The following SMIM18 variants were observed in gnomAD, a reference collection of about 807,000 sequenced individuals.
The protein encoded by SMIM18 is small integral membrane protein 18.
Under a neutral mutation model 5.9 loss-of-function variants are expected in SMIM18, and 4 were observed. That is an observed-to-expected ratio of 0.68 (90% CI 0.33 to 1.56). The LOEUF is 1.56. Among genes scored for constraint, SMIM18 ranks in the 40% most tolerant of loss-of-function variants. SMIM18 has a pLI of 0.06. For synonymous variants in SMIM18, 37 were observed against 37.4 expected, an observed-to-expected ratio of 0.99 and a Z score of 0.04; for missense variants, 89 against 109.7, an observed-to-expected ratio of 0.81 and a Z score of 0.84.
At chr8:30,642,263 G>A (rs911583460) in intron 1 of SMIM18, among the ~76,000 whole-genome samples, 2 of 143,822 alleles carry the variant, frequency 1.4e-5, no homozygotes, top group Admixed American at 7.1e-5. Context: ...AAGCACAAAG[G>A]GATTTTATCT....
chr8:30,644,994 C>T (rs1802015438), intron 2 of SMIM18, among the ~76,000 whole-genome samples: 1 of 152,126 alleles, frequency 6.6e-6, no homozygotes. Flanking sequence ...AAGTGATCTG[C>T]CCACATCACT....
chr8:30,641,187 G>C (rs1801810618), intron 1 of SMIM18, among the ~76,000 whole-genome samples: 1 of 152,062 alleles, frequency 6.6e-6, no homozygotes, highest in Non-Finnish European at 1.5e-5. Flanking sequence ...AACAAACAAT[G>C]AATGTTTTGA....
At chr8:30,643,996 T>C (rs1283731840) in intron 1 of SMIM18, among the ~76,000 whole-genome samples, 2 of 152,232 alleles carry the variant, frequency 1.3e-5, no homozygotes, top group African/African-American at 4.8e-5. Flanking sequence ...GCATACAGAA[T>C]GACAACCGAT....
chr8:30,638,730 T>C (rs1211921406), intron 1 of SMIM18, 91 bp downstream of exon 1: 1 of 152,556 alleles, frequency 6.6e-6, no homozygotes, highest in Non-Finnish European at 1.5e-5. Context: ...CCAGAAAGCT[T>C]TGCTCCTACT....
At position 30,645,620 on chromosome 8, in the gene SMIM18, A is replaced by C; in HGVS notation, c.*23A>C. On this transcript the variant is annotated 3_prime_UTR_variant, in exon 3 of 3. Transcript: ENST00000517349. ...TAACACTCTATAGAAGATGAACAAA[A>C]TCTCTGAAAGCAGCTCAACCTCTTC... 6.6e-7 allele frequency: 1 copy of C among 1,516,406 alleles called. No homozygotes were observed. The highest frequency in any genetic ancestry group is 8.8e-7 in the Non-Finnish European group (1 of 1,137,368). 93.9% of individuals were successfully genotyped at this position (1,516,406 alleles called of 1,614,324 possible).
At chr8:30,641,138 T>C (rs1211893612) in intron 1 of SMIM18, among the ~76,000 whole-genome samples, 1 of 152,110 alleles carries the variant, frequency 6.6e-6, no homozygotes, top group Non-Finnish European at 1.5e-5. Flanking sequence ...AATGACTCCA[T>C]ATTAGAGAGT....
At chr8:30,640,836 C>G (rs965725837) in intron 1 of SMIM18, among the ~76,000 whole-genome samples, 6 of 152,096 alleles carry the variant, frequency 3.9e-5, no homozygotes, top group African/African-American at 1.4e-4. Context: ...TCCTGAGAAA[C>G]TGGGATTACA....
At chr8:30,638,824 G>A (rs1801702829) in intron 1 of SMIM18, among the ~76,000 whole-genome samples, 185 bp downstream of exon 1, 1 of 152,146 alleles carries the variant, frequency 6.6e-6, no homozygotes, top group African/African-American at 2.4e-5. Context: ...TGTGCTATTT[G>A]ATAAGCACCC....
intron 1 of SMIM18, among the ~76,000 whole-genome samples, chr8:30,640,254 G>A (rs1270640501): frequency 1.3e-5 from 2 of 152,116 alleles, no homozygotes; most frequent in African/African-American, 4.8e-5. Context: ...AAAAGCACCT[G>A]AGAATTCAAT....
chr8:30,645,203 T>G, intron 2 of SMIM18, 78 bp from the exon 3 acceptor site: 1 of 1,217,098 alleles, frequency 8.2e-7, no homozygotes, highest in Non-Finnish European at 1.1e-6. Flanking sequence ...ACAAATTTAC[T>G]AAGAAATCTT....
chr8:30,639,776 T>G (rs1162935414), intron 1 of SMIM18, among the ~76,000 whole-genome samples: 1 of 152,076 alleles, frequency 6.6e-6, no homozygotes, highest in East Asian at 1.9e-4. Flanking sequence ...TGTTTTTTTT[T>G]TCTTCATAAT....
At chr8:30,640,878 T>G (rs1801795731) in intron 1 of SMIM18, among the ~76,000 whole-genome samples, 1 of 152,298 alleles carries the variant, frequency 6.6e-6, no homozygotes, top group Admixed American at 6.5e-5. Context: ...CTAATTTTTG[T>G]GTTTTTAGCA....
At chr8:30,640,253 T>C (rs530561567) in intron 1 of SMIM18, among the ~76,000 whole-genome samples, 1 of 152,306 alleles carries the variant, frequency 6.6e-6, no homozygotes, top group East Asian at 1.9e-4. Context: ...TAAAAGCACC[T>C]GAGAATTCAA....
At chr8:30,644,279 G>A (rs1801975027) in intron 1 of SMIM18, among the ~76,000 whole-genome samples, 1 of 152,112 alleles carries the variant, frequency 6.6e-6, no homozygotes, top group Non-Finnish European at 1.5e-5. Flanking sequence ...TTGTGAAATG[G>A]AATAATAACT....
intron 1 of SMIM18, chr8:30,643,658 T>TA (rs71206267): frequency 0.79 from 104,459 of 132,122 alleles, 41,355 homozygotes; most frequent in African/African-American, 0.88. Context: ...AGACTCTGCC[T>TA]AAAAAAAAAA....
In SMIM18 at chr8:30,645,811, T is replaced by G. The variant is rs1802054645; in HGVS notation, c.*214T>G. The G allele has an allele frequency of 1.1e-5, 6 of 526,688 alleles. No homozygotes were observed. In the South Asian group the frequency reaches 1.4e-4, roughly 13 times the overall value. The allele number at this position is 526,688 out of a possible 1,614,324, so 32.6% of individuals were successfully genotyped here. ...TAAAACTTCATGAATGTGAATTTAC[T>G]AATCTGTTTAATACTGACACTTCAA... On this transcript the variant is annotated 3_prime_UTR_variant, in exon 3 of 3. Coordinates refer to ENST00000517349, the MANE Select transcript of SMIM18 (RefSeq NM_001206847.2).
chr8:30,642,390 T>C (rs1434019564), intron 1 of SMIM18, among the ~76,000 whole-genome samples: 4 of 152,044 alleles, frequency 2.6e-5, no homozygotes, highest in Admixed American at 2.0e-4. Flanking sequence ...CTAATCCATA[T>C]TGTTGGCTAA....
intron 1 of SMIM18, 125 bp downstream of exon 1, chr8:30,638,764 T>C (rs1801697816): frequency 6.6e-6 from 1 of 152,410 alleles, no homozygotes; most frequent in South Asian, 2.1e-4. Context: ...AAGCAATGTA[T>C]TCGTTTCACC....
intron 1 of SMIM18, among the ~76,000 whole-genome samples, chr8:30,642,814 G>T (rs1339362570): frequency 6.6e-6 from 1 of 152,180 alleles, no homozygotes; most frequent in Non-Finnish European, 1.5e-5. Context: ...CTCATTAATG[G>T]ATACAAGTTA....
Sources: allele counts gnomAD v4.1 joint callset (sites outside exome capture counted in the v4.1 genomes callset), GRCh38; gene constraint gnomAD v4.1.1; transcripts MANE v1.5; gene names NCBI Gene and HGNC (gene_info 2026-07-23, HGNC 2026-07-21).